The following CALN1 variants were observed in gnomAD, a reference collection of about 807,000 sequenced individuals.
CALN1 encodes calneuron 1, also known as calcium-binding protein 8.
CALN1 carries 17 observed loss-of-function variants against 30.6 expected under a neutral mutation model. That is an observed-to-expected ratio of 0.56 (90% CI 0.38 to 0.83). CALN1 has a LOEUF of 0.83. Among genes scored for constraint, CALN1 ranks in the 40% least tolerant of loss-of-function variants. CALN1 has a pLI of 0.00. For missense variants in CALN1, 291 were observed against 354.9 expected, an observed-to-expected ratio of 0.82 and a Z score of 1.45; for synonymous variants, 156 against 131.4, an observed-to-expected ratio of 1.19 and a Z score of -1.28.
chr7:72,406,233 C>A (rs1256131200), intron 1 of CALN1, among the ~76,000 whole-genome samples: 1 of 152,148 alleles, frequency 6.6e-6, no homozygotes, highest in Non-Finnish European at 1.5e-5. Context: ...CCTGCACAAG[C>A]CGGACTAACC....
chr7:72,215,155 G>A (rs1792688894), intron 3 of CALN1, among the ~76,000 whole-genome samples: 2 of 152,208 alleles, frequency 1.3e-5, no homozygotes, highest in South Asian at 2.1e-4. Context: ...AAAGGGCTGC[G>A]GACCACTGGT....
At chr7:72,173,271 G>A (rs983576544) in intron 3 of CALN1, among the ~76,000 whole-genome samples, 4 of 151,832 alleles carry the variant, frequency 2.6e-5, no homozygotes, top group Admixed American at 6.6e-5. Flanking sequence ...ACAAAATCTC[G>A]AAGTTGAAGG....
intron 3 of CALN1, among the ~76,000 whole-genome samples, chr7:72,226,650 G>A (rs7780288): frequency 4.0e-5 from 6 of 151,472 alleles, no homozygotes; most frequent in Non-Finnish European, 7.4e-5. Context: ...ATAAGAAAGA[G>A]GGCTGACATT....
chr7:72,401,451 G>A (rs1806337459), intron 2 of CALN1, among the ~76,000 whole-genome samples: 1 of 152,056 alleles, frequency 6.6e-6, no homozygotes, highest in South Asian at 2.1e-4. Flanking sequence ...ACATCCCCAA[G>A]GAATAACAAA....
chr7:72,178,790 A>C lies in CALN1; in HGVS notation c.245-72496T>G, dbSNP rs80149697. 4.2e-3 allele frequency among the ~76,000 whole-genome samples: 643 copies of C among 152,230 alleles called. 5 individuals carry two copies. The highest frequency in any genetic ancestry group is 0.015 in the African/African-American group (615 of 41,566). ...CATATTGTAGATGTCTATTTCAATTAGGAACTACAAATGTCATTTTGTCAG... is the reference window on the plus strand; with the variant it reads ...CATATTGTAGATGTCTATTTCAATTCGGAACTACAAATGTCATTTTGTCAG... On this transcript the variant is annotated intron_variant, in intron 3 of 6. Transcript: ENST00000395275.
At chr7:72,131,256 CG>C (rs1199692813) in intron 3 of CALN1, among the ~76,000 whole-genome samples, 2 of 152,086 alleles carry the variant, frequency 1.3e-5, no homozygotes, top group Non-Finnish European at 2.9e-5. Context: ...GATTTTTCAG[CG>C]GGGATGTACA....
At chr7:72,182,610 C>T (rs12699124) in intron 3 of CALN1, among the ~76,000 whole-genome samples, 38,064 of 151,790 alleles carry the variant, frequency 0.25, 5,975 homozygotes, top group East Asian at 0.68. Flanking sequence ...GTCCCAGCTA[C>T]TTGGGAGGCT....
At chr7:71,851,821 C>A (rs1239883931) in intron 5 of CALN1, among the ~76,000 whole-genome samples, 1 of 152,056 alleles carries the variant, frequency 6.6e-6, no homozygotes, top group African/African-American at 2.4e-5. Flanking sequence ...CACAAACAAA[C>A]AAATGTGTCT....
In CALN1 at chr7:72,286,990, A is replaced by G. The variant is rs142291878; in HGVS notation, c.120-8180T>C. Among the ~76,000 whole-genome samples, 1,252 of 152,300 alleles carry G rather than the reference A, an allele frequency of 8.2e-3. 9 individuals carry two copies. Among genetic ancestry groups the G allele is most frequent in the Non-Finnish European group, 0.012 (819 of 68,008 alleles). ...AAGCTGAGAGGTAAGCCGGTTTGGA[A>G]AAGGTGCATGCATTTGCAAACAAAG... On this transcript the variant is annotated intron_variant, in intron 2 of 6. Coordinates refer to ENST00000395275, the MANE Select transcript of CALN1 (RefSeq NM_031468.4).
At chr7:72,351,593 G>A (rs1348135637) in intron 2 of CALN1, among the ~76,000 whole-genome samples, 1 of 152,118 alleles carries the variant, frequency 6.6e-6, no homozygotes, top group Non-Finnish European at 1.5e-5. Flanking sequence ...ACTATTAAAA[G>A]ATAGTCAATT....
At position 72,237,899 on chromosome 7, in the gene CALN1, T is replaced by C. The variant is rs1794575474; in HGVS notation, c.244+40787A>G. On this transcript the variant is annotated intron_variant, in intron 3 of 6. Coordinates refer to ENST00000395275, the MANE Select transcript of CALN1 (RefSeq NM_031468.4). ...ATGGAAAATGGAAGTGCCTGCAACA[T>C]CATGGCTCTTTCTGCCTGGCACTGT... Among the ~76,000 whole-genome samples, 3 of 152,330 alleles carry C rather than the reference T, an allele frequency of 2.0e-5. No homozygotes were observed. In the East Asian group the frequency reaches 5.8e-4, roughly 29 times the overall value.
At chr7:72,231,107 G>A (rs375748724) in intron 3 of CALN1, among the ~76,000 whole-genome samples, 136 of 152,006 alleles carry the variant, frequency 8.9e-4, no homozygotes, top group African/African-American at 3.2e-3. Flanking sequence ...ATCAACTGTT[G>A]CAGTACACGC....
At chr7:72,151,236 T>C (rs901281978) in intron 3 of CALN1, among the ~76,000 whole-genome samples, 3 of 152,188 alleles carry the variant, frequency 2.0e-5, no homozygotes, top group Non-Finnish European at 2.9e-5. Flanking sequence ...CAAGAATCTG[T>C]TCCATGCCTC....
At chr7:72,039,764 A>G (rs986843162) in intron 4 of CALN1, among the ~76,000 whole-genome samples, 3 of 152,118 alleles carry the variant, frequency 2.0e-5, no homozygotes, top group African/African-American at 7.2e-5. Context: ...GCTACTGAAA[A>G]TGTCCTCCCC....
At chr7:71,991,999 T>G (rs1458024729) in intron 5 of CALN1, among the ~76,000 whole-genome samples, 1 of 152,252 alleles carries the variant, frequency 6.6e-6, no homozygotes, top group Non-Finnish European at 1.5e-5. Context: ...AACCTTTGTT[T>G]GTATGATTAT....
chr7:72,337,812 G>A (rs1802169254), intron 2 of CALN1: 1 of 152,424 alleles, frequency 6.6e-6, no homozygotes, highest in South Asian at 2.1e-4. Flanking sequence ...CTGAGAACAT[G>A]TGGTGTGGCC....
intron 2 of CALN1, among the ~76,000 whole-genome samples, chr7:72,295,877 C>G (rs1798819636): frequency 6.6e-6 from 1 of 151,752 alleles, no homozygotes; most frequent in Non-Finnish European, 1.5e-5. Context: ...CCTAACTGCC[C>G]TGGCCAGAAC....
At chr7:72,340,200 T>TAC (rs1395384059) in intron 2 of CALN1, among the ~76,000 whole-genome samples, 1 of 152,216 alleles carries the variant, frequency 6.6e-6, no homozygotes, top group African/African-American at 2.4e-5. Context: ...GACAAAGCTT[T>TAC]ACCTCCTTAA....
chr7:72,217,832 ATTTTTTTTTTTTT>A (rs35736777), intron 3 of CALN1, among the ~76,000 whole-genome samples: 1 of 67,298 alleles, frequency 1.5e-5, no homozygotes, highest in Non-Finnish European at 2.5e-5. Context: ...AATTAAATAA[ATTTTTTTTTTTTT>A]TTTTTTTTTT....
Sources: allele counts gnomAD v4.1 joint callset (sites outside exome capture counted in the v4.1 genomes callset), GRCh38; gene constraint gnomAD v4.1.1; transcripts MANE v1.5; gene names NCBI Gene and HGNC (gene_info 2026-07-23, HGNC 2026-07-21).